WWOX: variants seen among roughly 807,000 people sequenced by gnomAD.
WWOX encodes the protein WW domain-containing oxidoreductase.
A neutral mutation model predicts 46.2 loss-of-function variants in WWOX; 69 were observed. The ratio of observed to expected loss-of-function variants is 1.49; its 90% CI spans 1.23 to 1.82. WWOX has a LOEUF of 1.82. Among genes scored for constraint, WWOX ranks in the 40% most tolerant of loss-of-function variants. The pLI is 0.00. For missense variants in WWOX, 919 were observed against 542.6 expected (o/e 1.69, Z -6.89); for synonymous variants, 359 against 202.6 (o/e 1.77, Z -6.56).
At chr16:78,919,085 C>G (rs1383194762) in intron 8 of WWOX, among the ~76,000 whole-genome samples, 2 of 152,118 alleles carry the variant, frequency 1.3e-5, no homozygotes, top group African/African-American at 4.8e-5. Context: ...TTCCTCATTT[C>G]CAATTGAAAT....
At position 78,360,256 on chromosome 16, in the gene WWOX, A is replaced by G. The variant is rs117468833; in HGVS notation, c.517-26604A>G. 7.9e-3 allele frequency among the ~76,000 whole-genome samples: 1,200 copies of G among 152,220 alleles called. 5 individuals carry two copies. Among genetic ancestry groups the G allele is most frequent in the Middle Eastern group, 0.027 (8 of 294 alleles). On this transcript the variant is annotated intron_variant, in intron 5 of 8. Coordinates refer to ENST00000566780, the MANE Select transcript of WWOX (RefSeq NM_016373.4). The stretch of plus-strand genomic sequence containing the variant: ...CAGCCATTTCACTGGTGTTCTGTCA[A>G]TTTTTATTTTGAACTAATTTTAGAC...
intron 4 of WWOX, among the ~76,000 whole-genome samples, chr16:78,140,166 G>C (rs1379843404): frequency 6.6e-6 from 1 of 152,172 alleles, no homozygotes; most frequent in Non-Finnish European, 1.5e-5. Context: ...GCGTAAAAAT[G>C]GTTTGAGTAA....
intron 8 of WWOX, among the ~76,000 whole-genome samples, chr16:78,993,614 C>G (rs2046931623): frequency 6.6e-6 from 1 of 152,156 alleles, no homozygotes; most frequent in Non-Finnish European, 1.5e-5. Flanking sequence ...CGCTGTGCGG[C>G]TTGGCATGCT....
intron 6 of WWOX, among the ~76,000 whole-genome samples, chr16:78,416,236 C>A (rs939818022): frequency 1.3e-5 from 2 of 152,216 alleles, no homozygotes; most frequent in South Asian, 2.1e-4. Context: ...TATTCATCAT[C>A]TCAGAGCCTT....
chr16:78,370,333 G>C (rs190157631), intron 5 of WWOX, among the ~76,000 whole-genome samples: 1 of 152,088 alleles, frequency 6.6e-6, no homozygotes, highest in African/African-American at 2.4e-5. Context: ...TCATATGTAA[G>C]TGTTCTTAGA....
intron 8 of WWOX, among the ~76,000 whole-genome samples, chr16:78,523,872 T>A (rs9923611): frequency 6.6e-6 from 1 of 152,094 alleles, no homozygotes; most frequent in East Asian, 1.9e-4. Context: ...AGCTAGAGTT[T>A]TAGGATGAAG....
Position 78,265,582 on chromosome 16 carries a change from G to A in WWOX, c.516+101293G>A, listed in dbSNP as rs528799806. ...AATCCCAGCTACTTGGGAGGCTGAG[G>A]CAGGAGAATTGCTTGAGTCTGGGAG... On this transcript the variant is annotated intron_variant, in intron 5 of 8. Transcript: ENST00000566780. Among the ~76,000 whole-genome samples the A allele has an allele frequency of 2.4e-3, 371 of 151,924 alleles. 2 individuals are homozygous for A. Among genetic ancestry groups the A allele is most frequent in the African/African-American group, 8.4e-3 (350 of 41,452 alleles).
At chr16:79,104,435 A>T (rs975165279) in intron 8 of WWOX, among the ~76,000 whole-genome samples, 2 of 152,230 alleles carry the variant, frequency 1.3e-5, no homozygotes, top group Admixed American at 1.3e-4. Context: ...TGGCTTTATC[A>T]TATATCCATT....
chr16:78,565,484 C>T lies in WWOX; in HGVS notation c.1056+132732C>T, dbSNP rs569925872. ...ACATCTCCTTTACTGATTCCTCTTC[C>T]GTTGTCCCATCACATTCTCCTCATC... On this transcript the variant is annotated intron_variant, in intron 8 of 8. Coordinates refer to ENST00000566780, the MANE Select transcript of WWOX (RefSeq NM_016373.4). 5.3e-5 allele frequency among the ~76,000 whole-genome samples: 8 copies of T among 152,316 alleles called. No homozygotes were observed. In the East Asian group the frequency reaches 5.8e-4, roughly 11 times the overall value.
intron 8 of WWOX, among the ~76,000 whole-genome samples, chr16:78,802,994 C>T (rs2050936075): frequency 7.4e-6 from 1 of 135,956 alleles, no homozygotes; most frequent in African/African-American, 2.7e-5. Context: ...AAATGATTTT[C>T]ATCACCAGGC....
At chr16:78,854,643 C>A (rs1393923848) in intron 8 of WWOX, among the ~76,000 whole-genome samples, 2 of 152,166 alleles carry the variant, frequency 1.3e-5, no homozygotes, top group African/African-American at 4.8e-5. Flanking sequence ...TGCAGTGGCG[C>A]GATCTCAGCT....
chr16:78,771,437 A>G (rs983550228), intron 8 of WWOX, among the ~76,000 whole-genome samples: 1 of 152,214 alleles, frequency 6.6e-6, no homozygotes, highest in Non-Finnish European at 1.5e-5. Flanking sequence ...GTTGTTCAAC[A>G]TCATGAGTGT....
At position 79,212,570 on chromosome 16, in the gene WWOX, G is replaced by C. The variant is rs139222337; in HGVS notation, c.*774G>C. The C allele has an allele frequency of 6.1e-6, 1 of 163,806 alleles. No individual in the cohort carries two copies. The highest frequency in any genetic ancestry group is 2.4e-5 in the African/African-American group (1 of 41,648). 10.1% of individuals were successfully genotyped at this position (163,806 alleles called of 1,614,324 possible). A position where few individuals can be genotyped will look rare whatever the true frequency, so the allele number is the denominator to read the frequency against. ...AAAACGTTAGTTAATCCCTTTGTCT[G>C]TCAATCACAGTCTCAGTTCTCTTGC... On this transcript the variant is annotated 3_prime_UTR_variant, in exon 9 of 9. Coordinates refer to ENST00000566780, the MANE Select transcript of WWOX (RefSeq NM_016373.4).
At chr16:78,685,892 GAAAA>G (rs747084818) in intron 8 of WWOX, among the ~76,000 whole-genome samples, 1 of 113,450 alleles carries the variant, frequency 8.8e-6, no homozygotes. Flanking sequence ...AGAGAGAGAG[GAAAA>G]AAAACAAAAA....
At chr16:79,104,865 A>T (rs1303115582) in intron 8 of WWOX, among the ~76,000 whole-genome samples, 2 of 152,124 alleles carry the variant, frequency 1.3e-5, no homozygotes, top group African/African-American at 4.8e-5. Context: ...AAGGTGTCCA[A>T]ACCTCGACAG....
chr16:78,969,946 C>G (rs1168737928), intron 8 of WWOX, among the ~76,000 whole-genome samples: 1 of 152,156 alleles, frequency 6.6e-6, no homozygotes, highest in Admixed American at 6.6e-5. Context: ...TCTTTCACAA[C>G]TCTTTGATTG....
In WWOX at chr16:78,105,627, T is replaced by C. The variant is rs191307810; in HGVS notation, c.108-2796T>C. Among the ~76,000 whole-genome samples the C allele has an allele frequency of 2.3e-3, 353 of 152,250 alleles. 2 individuals are homozygous for C. The highest frequency in any genetic ancestry group is 8.2e-3 in the African/African-American group (339 of 41,536). On this transcript the variant is annotated intron_variant, in intron 1 of 8. Transcript: ENST00000566780. ...AAACTGTTCTGAGTGAGTTTTGTAG[T>C]TCCTTTGGAAAGTATTCATTCTGTT... is the stretch of plus-strand genomic sequence containing the variant.
rs183305053 is a variant in WWOX at position 78,854,095 on chromosome 16, C to T, written c.1057-357513C>T. On this transcript the variant is annotated intron_variant, in intron 8 of 8. Coordinates refer to ENST00000566780, the MANE Select transcript of WWOX (RefSeq NM_016373.4). ...TTCTATATTTTTCTCAGCATTTACACGATTGTTTTTACATAGTAGTGACTT... is the reference window on the plus strand; with the variant it reads ...TTCTATATTTTTCTCAGCATTTACATGATTGTTTTTACATAGTAGTGACTT... Among the ~76,000 whole-genome samples, 147 of 152,282 alleles carry T rather than the reference C, an allele frequency of 9.7e-4. 4 individuals carry two copies. Among genetic ancestry groups the T allele is most frequent in the Non-Finnish European group, 1.4e-3 (96 of 68,012 alleles).
At chr16:78,405,093 A>G (rs1454602917) in intron 6 of WWOX, among the ~76,000 whole-genome samples, 1 of 152,218 alleles carries the variant, frequency 6.6e-6, no homozygotes, top group African/African-American at 2.4e-5. Flanking sequence ...TGGGATGGGA[A>G]AATATAATCA....
Sources: gnomAD v4.1 joint callset for allele counts (sites outside exome capture counted in the v4.1 genomes callset) on GRCh38, gnomAD v4.1.1 for gene constraint, MANE v1.5 for transcripts, NCBI Gene and HGNC (gene_info 2026-07-23, HGNC 2026-07-21) for gene names.